The following HEXA variants were observed in gnomAD, a reference collection of about 807,000 sequenced individuals.
The protein encoded by HEXA is hexosaminidase subunit alpha.
HEXA carries 54 observed loss-of-function variants against 73.3 expected under a neutral mutation model. The ratio of observed to expected loss-of-function variants is 0.74; its 90% CI spans 0.59 to 0.92. HEXA has a LOEUF of 0.92. Among genes scored for constraint, HEXA ranks in the 40% least tolerant of loss-of-function variants. The probability of loss-of-function intolerance (pLI) is 0.00; values close to 1 mark genes in which losing one functional copy is unlikely to be tolerated. For synonymous variants in HEXA, 230 were observed against 246.9 expected (o/e 0.93, Z 0.64); for missense variants, 649 against 653.0 (o/e 0.99, Z 0.07).
intron 1 of HEXA, chr15:72,370,514 G>T (rs2088975964): frequency 2.5e-6 from 1 of 395,968 alleles, no homozygotes. Context: ...AACACAGTAA[G>T]ACCCCCATCT....
chr15:72,355,136 G>T, intron 3 of HEXA: 1 of 288,298 alleles, frequency 3.5e-6, no homozygotes, highest in Non-Finnish European at 6.8e-6. Context: ...CCCCTGACTA[G>T]GGCAGCAGCA....
intron 4 of HEXA, 60 bp from the exon 5 acceptor site, chr15:72,353,238 G>A (rs1215367193): frequency 2.0e-6 from 2 of 977,084 alleles, no homozygotes; most frequent in South Asian, 1.4e-5. Context: ...GGGGGCACAG[G>A]GAGATGAAGA....
At chr15:72,344,346 G>A (rs1437634544) in intron 13 of HEXA, among the ~76,000 whole-genome samples, 1 of 152,140 alleles carries the variant, frequency 6.6e-6, no homozygotes, top group Non-Finnish European at 1.5e-5. Context: ...AGCTGAACAG[G>A]TGCCTCAGGT....
At chr15:72,368,987 T>C (rs995647688) in intron 1 of HEXA, among the ~76,000 whole-genome samples, 1 of 152,214 alleles carries the variant, frequency 6.6e-6, no homozygotes, top group Non-Finnish European at 1.5e-5. Context: ...TAATGACAGC[T>C]GACAAACACC....
rs572232325 is a variant in HEXA at position 72,351,130 on chromosome 15, T to A, written c.672+3A>T. ...ACTTGGTCTGAGTGAAACGGGAACA[T>A]ACCTTTCTCATGAGCTCTGGAAAAG... is the stretch of plus-strand genomic sequence containing the variant. On this transcript the variant is annotated splice_donor_region_variant and intron_variant, in intron 6 of 13. Transcript: ENST00000268097. 6.3e-7 allele frequency: 1 copy of A among 1,581,670 alleles called. No homozygotes were observed.
rs772706192 is a variant in HEXA, at chr15:72,375,925, G to A, written c.48C>T (p.Phe16=). 2.5e-6 allele frequency: 4 copies of A among 1,614,010 alleles called. No homozygotes were observed. The East Asian group carries it at 8.9e-5, about 36-fold the overall frequency. The change falls in exon 1 of 14, where the codon TTC becomes TTT. Residue 16 remains phenylalanine, a synonymous_variant. Coordinates refer to ENST00000268097, the MANE Select transcript of HEXA (RefSeq NM_000520.6). ...LWFSLLLAAA[F]AGRATALWPW... is the part of the protein sequence containing the mutation. ...GCCAGAGGGCCGTCGCCCGTCCTGC[G>A]AACGCTGCCGCCAGCAGCAGCGAAA...
rs989247865 is a variant in HEXA, at chr15:72,345,294, T to C, written c.1526+152A>G. The C allele has an allele frequency of 6.2e-6, 9 of 1,459,222 alleles. No individual in the cohort carries two copies. The African/African-American group carries it at 1.3e-4, about 21-fold the overall frequency. 90.4% of individuals were successfully genotyped at this position (1,459,222 alleles called of 1,614,324 possible). A position where few individuals can be genotyped will look rare whatever the true frequency, so the allele number is the denominator to read the frequency against. On this transcript the variant is annotated intron_variant, in intron 13 of 13. Transcript: ENST00000268097. ...TGTATTTTTTTTTTCCTGAATACTTTTTATCGCAGTTGGTTGAATCCGTGG... is the reference window on the plus strand; with the variant it reads ...TGTATTTTTTTTTTCCTGAATACTTCTTATCGCAGTTGGTTGAATCCGTGG...
At position 72,346,267 on chromosome 15, in the gene HEXA, A is replaced by G. The variant is rs1239101618; in HGVS notation, c.1389T>C (p.Tyr463=). 1.3e-5 allele frequency: 21 copies of G among 1,613,938 alleles called. No homozygotes were observed. The highest frequency in any genetic ancestry group is 1.8e-5 in the Non-Finnish European group (21 of 1,179,934). ...TGGGGACCAGGTTTGTGTTGTCCAC[A>G]TATTCTCCCCACATACAAGCCTCTC... The part of the protein sequence containing the change: ...IGGEACMWGE[Y]VDNTNLVPRL... The change falls in exon 12 of 14, where the codon TAT becomes TAC. Residue 463 remains tyrosine (Y), a synonymous_variant. Transcript: ENST00000268097.
chr15:72,349,115 A>C lies in HEXA; in HGVS notation c.950T>G (p.Leu317Arg). ...EVSSVFPDFY[L>R]HLGGDEVDFT... ...ATCAACCTCATCTCCTCCAAGATGAAGATAAAAATCTGGGAAGACAGAGCT... is the reference window on the plus strand; with the variant it reads ...ATCAACCTCATCTCCTCCAAGATGACGATAAAAATCTGGGAAGACAGAGCT... Residue 317 changes from leucine to arginine, a missense_variant, in exon 8 of 14, where the codon CTT (leucine) becomes CGT (arginine). Leu to Arg is a moderately radical substitution (Grantham distance 102). Transcript: ENST00000268097. The C allele has an allele frequency of 6.2e-7, 1 of 1,614,092 alleles. No individual in the cohort carries two copies. The highest frequency in any genetic ancestry group is 8.5e-7 in the Non-Finnish European group (1 of 1,179,904).
intron 1 of HEXA, among the ~76,000 whole-genome samples, chr15:72,364,751 G>A (rs1394263947): frequency 4.0e-5 from 6 of 150,848 alleles, no homozygotes; most frequent in Non-Finnish European, 8.8e-5. Context: ...ACCATTGCCA[G>A]CTGGATTTAA....
At chr15:72,375,679 C>T in intron 1 of HEXA, 41 bp downstream of exon 1, 1 of 1,612,468 alleles carries the variant, frequency 6.2e-7, no homozygotes. Flanking sequence ...CAGGCAGGCA[C>T]TCTCAGGGCC....
chr15:72,352,667 T>C lies in HEXA; in HGVS notation c.570+401A>G, dbSNP rs74610788. ...GGAGCTCATAGAATTACATACAATT[T>C]TTTTTTTTTTTTTTGAGACAGCGTC... On this transcript the variant is annotated intron_variant, in intron 5 of 13. Transcript: ENST00000268097. 5.0e-4 allele frequency among the ~76,000 whole-genome samples: 75 copies of C among 150,038 alleles called. 1 individual carries two copies. The highest frequency in any genetic ancestry group is 3.4e-3 in the Middle Eastern group (1 of 290).
chr15:72,348,480 T>G (rs757177939), intron 8 of HEXA, among the ~76,000 whole-genome samples: 15 of 152,254 alleles, frequency 9.9e-5, no homozygotes, highest in Admixed American at 2.0e-4. Flanking sequence ...GCTCTTCCAG[T>G]TGGATGACAA....
chr15:72,348,240 A>C (rs949443248), intron 8 of HEXA, 106 bp from the exon 9 acceptor site: 16 of 788,014 alleles, frequency 2.0e-5, no homozygotes, highest in Non-Finnish European at 3.5e-5. Context: ...CACCTGAAAA[A>C]TCAAATAAGC....
intron 2 of HEXA, among the ~76,000 whole-genome samples, chr15:72,356,209 C>T (rs1012444179): frequency 1.3e-5 from 2 of 152,086 alleles, no homozygotes; most frequent in African/African-American, 4.8e-5. Context: ...CCTGCTTTCC[C>T]CAGTGTAGGG....
rs188570040 is a variant in HEXA at position 72,347,222 on chromosome 15, T to C, written c.1146+464A>G. On this transcript the variant is annotated intron_variant, in intron 10 of 13. Transcript: ENST00000268097. Reference sequence around the variant, plus strand: ...CAGAAATAGTTCTTAATTAAGTTTGTAGTGAGGGAAGATAGAAACTCTGAC... The same window carrying C: ...CAGAAATAGTTCTTAATTAAGTTTGCAGTGAGGGAAGATAGAAACTCTGAC... Among the ~76,000 whole-genome samples, 181 of 145,434 alleles carry C rather than the reference T, an allele frequency of 1.2e-3. 1 individual carries two copies. The highest frequency in any genetic ancestry group is 4.3e-3 in the African/African-American group (175 of 40,898).
At chr15:72,372,744 A>G (rs1021495225) in intron 1 of HEXA, among the ~76,000 whole-genome samples, 1 of 152,240 alleles carries the variant, frequency 6.6e-6, no homozygotes, top group African/African-American at 2.4e-5. Context: ...TCAAAATAGA[A>G]CTGAACCTCA....
At chr15:72,346,745 A>T in intron 10 of HEXA, 35 bp from the exon 11 acceptor site, 2 of 1,601,482 alleles carry the variant, frequency 1.2e-6, no homozygotes, top group Non-Finnish European at 1.7e-6. Flanking sequence ...TAAGGACACA[A>T]AGCTGAGGAG....
chr15:72,358,934 A>G (rs900148378), intron 1 of HEXA: 1 of 152,532 alleles, frequency 6.6e-6, no homozygotes, highest in African/African-American at 2.4e-5. Context: ...CCGCCTCTAC[A>G]CACACCCGCC....
Sources: gnomAD v4.1 joint callset for allele counts (sites outside exome capture counted in the v4.1 genomes callset) on GRCh38, gnomAD v4.1.1 for gene constraint, MANE v1.5 for transcripts, NCBI Gene and HGNC (gene_info 2026-07-23, HGNC 2026-07-21) for gene names.